The following CNBD1 variants were observed in gnomAD, a reference collection of about 807,000 sequenced individuals.
The protein encoded by CNBD1 is cyclic nucleotide-binding domain-containing protein 1.
A neutral mutation model predicts 54.4 loss-of-function variants in CNBD1; 71 were observed. The observed-to-expected ratio is 1.30, with a 90% CI of 1.08 to 1.59. The LOEUF (loss-of-function observed/expected upper bound fraction) is 1.59, where lower values mean the gene tolerates loss of function less well. Among genes scored for constraint, CNBD1 ranks in the 40% most tolerant of loss-of-function variants. The pLI is 0.00. For synonymous variants in CNBD1, 182 were observed against 170.7 expected (o/e 1.07, Z -0.51); for missense variants, 659 against 518.0 (o/e 1.27, Z -2.64).
chr8:87,388,562 A>G (rs1000569579), intron 2 of CNBD1, among the ~76,000 whole-genome samples: 2 of 152,206 alleles, frequency 1.3e-5, no homozygotes, highest in African/African-American at 4.8e-5. Context: ...AAGAAGCTGA[A>G]TCTCTGAGTA....
intron 3 of CNBD1, among the ~76,000 whole-genome samples, chr8:86,936,115 G>A (rs1809542837): frequency 6.6e-6 from 1 of 151,854 alleles, no homozygotes; most frequent in South Asian, 2.1e-4. Flanking sequence ...CTCCATCCTG[G>A]GTGACAAAGA....
At chr8:87,201,349 A>G (rs1192130301) in intron 4 of CNBD1, among the ~76,000 whole-genome samples, 2 of 152,234 alleles carry the variant, frequency 1.3e-5, no homozygotes, top group Non-Finnish European at 2.9e-5. Flanking sequence ...CTGGCCACTT[A>G]TATGTAACAT....
intron 1 of CNBD1, among the ~76,000 whole-genome samples, chr8:86,874,986 T>TTATTTATA (rs1554626870): frequency 8.3e-6 from 1 of 120,120 alleles, no homozygotes; most frequent in African/African-American, 3.5e-5. Context: ...GTAAATCAAT[T>TTATTTATA]TATATATATA....
In CNBD1 at chr8:87,205,341, G is replaced by A. The variant is rs543867388; in HGVS notation, c.432-652G>A. Among the ~76,000 whole-genome samples, 18 of 152,232 alleles carry A rather than the reference G, an allele frequency of 1.2e-4. 1 individual carries two copies. The South Asian group carries it at 3.5e-3, about 30-fold the overall frequency. ...GCCACCACGCCTGGCCAACTGCTGA[G>A]TATTTTGAAATGGTATTTATGACAG... On this transcript the variant is annotated intron_variant, in intron 4 of 10. Coordinates refer to ENST00000518476, the MANE Select transcript of CNBD1 (RefSeq NM_173538.3).
chr8:87,370,043 C>T (rs1359655624), intron 10 of CNBD1, among the ~76,000 whole-genome samples: 1 of 152,002 alleles, frequency 6.6e-6, no homozygotes, highest in Non-Finnish European at 1.5e-5. Context: ...CATGTCCCTA[C>T]AAAGGACATG....
At chr8:87,388,962 T>C (rs905889192) in intron 2 of CNBD1, among the ~76,000 whole-genome samples, 1 of 152,046 alleles carries the variant, frequency 6.6e-6, no homozygotes, top group Non-Finnish European at 1.5e-5. Flanking sequence ...AAATCAATAA[T>C]TGTAATCCAG....
chr8:87,333,067 C>A (rs1022094862), intron 8 of CNBD1, among the ~76,000 whole-genome samples: 1 of 152,056 alleles, frequency 6.6e-6, no homozygotes, highest in Non-Finnish European at 1.5e-5. Context: ...GTTTGTAGTT[C>A]TCCTTGAAGA....
intron 2 of CNBD1, among the ~76,000 whole-genome samples, chr8:87,407,100 C>A (rs1057388235): frequency 2.6e-5 from 4 of 151,918 alleles, no homozygotes. Flanking sequence ...ATCTGTTAAT[C>A]ACCATACTGA....
intron 4 of CNBD1, among the ~76,000 whole-genome samples, chr8:86,979,213 G>A (rs1808411341): frequency 6.6e-6 from 1 of 151,594 alleles, no homozygotes; most frequent in Non-Finnish European, 1.5e-5. Flanking sequence ...TTCTTGTGTA[G>A]TTTTATTATG....
chr8:86,930,349 G>C (rs1457153937), intron 3 of CNBD1, among the ~76,000 whole-genome samples: 2 of 152,184 alleles, frequency 1.3e-5, no homozygotes, highest in African/African-American at 4.8e-5. Context: ...AAGGTCAAGA[G>C]ATCTAGAGTA....
At chr8:87,336,495 A>G (rs1352926827) in intron 8 of CNBD1, among the ~76,000 whole-genome samples, 1 of 151,406 alleles carries the variant, frequency 6.6e-6, no homozygotes, top group Non-Finnish European at 1.5e-5. Context: ...TTGGCTATTG[A>G]TCCTTGTGTA....
intron 8 of CNBD1, among the ~76,000 whole-genome samples, chr8:87,328,032 A>G (rs1008971042): frequency 4.6e-5 from 7 of 151,954 alleles, no homozygotes; most frequent in South Asian, 4.1e-4. Context: ...GGTTTGTTCC[A>G]TAGGTATATA....
At chr8:87,366,855 T>C (rs972078646) in intron 10 of CNBD1, among the ~76,000 whole-genome samples, 2 of 152,118 alleles carry the variant, frequency 1.3e-5, no homozygotes, top group African/African-American at 4.8e-5. Flanking sequence ...ATGTTCTTAA[T>C]TGTTACTGTT....
chr8:86,910,179 A>C (rs1425407845), intron 3 of CNBD1, among the ~76,000 whole-genome samples: 1 of 152,204 alleles, frequency 6.6e-6, no homozygotes, highest in Non-Finnish European at 1.5e-5. Context: ...CATTAAAAAA[A>C]AGTTGCCTAT....
At chr8:86,989,200 A>T (rs1295792924) in intron 4 of CNBD1, among the ~76,000 whole-genome samples, 1 of 152,092 alleles carries the variant, frequency 6.6e-6, no homozygotes, top group Admixed American at 6.5e-5. Context: ...TGAGCCTGGG[A>T]GATCAAAGCT....
intron 3 of CNBD1, among the ~76,000 whole-genome samples, chr8:86,934,417 C>T (rs1310284322): frequency 6.6e-6 from 1 of 151,950 alleles, no homozygotes; most frequent in African/African-American, 2.4e-5. Context: ...TTGGATATTC[C>T]ATATATAAGA....
At chr8:86,876,440 A>G (rs1808521967) in intron 1 of CNBD1, among the ~76,000 whole-genome samples, 1 of 151,572 alleles carries the variant, frequency 6.6e-6, no homozygotes, top group Non-Finnish European at 1.5e-5. Flanking sequence ...CAGTTTTCTT[A>G]TGTTGAGTAC....
At chr8:86,967,470 G>C (rs539491857) in intron 4 of CNBD1, among the ~76,000 whole-genome samples, 225 of 152,348 alleles carry the variant, frequency 1.5e-3, no homozygotes, top group African/African-American at 5.3e-3. Flanking sequence ...GGCTCCCACT[G>C]GCTTCATGGA....
At chr8:86,960,275 A>G (rs1807893774) in intron 4 of CNBD1, among the ~76,000 whole-genome samples, 1 of 151,952 alleles carries the variant, frequency 6.6e-6, no homozygotes, top group South Asian at 2.1e-4. Flanking sequence ...AAATCAGGAC[A>G]CTCCCACTCT....
Sources: gnomAD v4.1 joint callset for allele counts (sites outside exome capture counted in the v4.1 genomes callset) on GRCh38, gnomAD v4.1.1 for gene constraint, MANE v1.5 for transcripts, NCBI Gene and HGNC (gene_info 2026-07-23, HGNC 2026-07-21) for gene names.